The following RCC2 variants were observed in gnomAD, a reference collection of about 807,000 sequenced individuals.
RCC2 encodes the protein regulator of chromosome condensation 2.
Under a neutral mutation model 64.1 loss-of-function variants are expected in RCC2, and 19 were observed. That is an observed-to-expected ratio of 0.30 (90% CI 0.21 to 0.44). The LOEUF is 0.44. Ranked by LOEUF, RCC2 falls within the 20% of genes least tolerant of loss-of-function variation. The probability of loss-of-function intolerance (pLI) is 1.00; values close to 1 mark genes in which losing one functional copy is unlikely to be tolerated. For missense variants in RCC2, 508 were observed against 710.4 expected (o/e 0.72, Z 3.24); for synonymous variants, 325 against 279.6 (o/e 1.16, Z -1.62).
intron 3 of RCC2, 103 bp downstream of exon 3, chr1:17,429,003 G>T: frequency 1.1e-6 from 1 of 921,794 alleles, no homozygotes; most frequent in Non-Finnish European, 1.8e-6. Flanking sequence ...TGGCCTCTGT[G>T]AAAATGCATT....
chr1:17,426,538 A>C (rs544522504), intron 3 of RCC2, among the ~76,000 whole-genome samples: 5 of 152,036 alleles, frequency 3.3e-5, no homozygotes, highest in African/African-American at 1.2e-4. Context: ...AGCTCTGCTC[A>C]GCCCTGCTCA....
At chr1:17,438,190 C>G (rs2075761489) in intron 2 of RCC2, 40 bp downstream of exon 2, 1 of 1,168,562 alleles carries the variant, frequency 8.6e-7, no homozygotes, top group South Asian at 3.3e-5. Context: ...CCCGCCGGCC[C>G]CGGCCCTGCG....
chr1:17,437,703 C>T (rs527252767), intron 2 of RCC2, among the ~76,000 whole-genome samples: 1 of 146,984 alleles, frequency 6.8e-6, no homozygotes, highest in East Asian at 2.0e-4. Flanking sequence ...GGCCCCGCCC[C>T]CCCCGGGCGC....
intron 2 of RCC2, among the ~76,000 whole-genome samples, chr1:17,433,812 C>T (rs536935978): frequency 5.9e-5 from 9 of 152,274 alleles, no homozygotes; most frequent in African/African-American, 2.2e-4. Context: ...TAACATAGGT[C>T]CATGTAGAAG....
chr1:17,422,203 C>G lies in RCC2; in HGVS notation c.744G>C (p.Gln248His). ...NQTDAVPSPA[Q>H]IMYNGQPITK... ...GGAGCCGGAGCTGAGGAGGGGTCACCTGCGCGGGGCTGGGAACAGCGTCTG... is the reference window on the plus strand; with the variant it reads ...GGAGCCGGAGCTGAGGAGGGGTCACGTGCGCGGGGCTGGGAACAGCGTCTG... The change falls in exon 6 of 13, where the codon CAG becomes CAC. Residue 248 changes from glutamine to histidine, a missense_variant and splice_region_variant. This residue lies in a region of RCC2 where 132 missense variants were observed against 207.3 expected (regional missense o/e 0.64). Coordinates refer to ENST00000375436, the MANE Select transcript of RCC2 (RefSeq NM_018715.4). 6.2e-7 allele frequency: 1 copy of G among 1,604,144 alleles called. No homozygotes were observed. Among genetic ancestry groups the G allele is most frequent in the Non-Finnish European group, 8.5e-7 (1 of 1,174,136 alleles).
chr1:17,412,305 T>C (rs2100353704), intron 10 of RCC2, 111 bp from the exon 11 acceptor site: 2 of 906,052 alleles, frequency 2.2e-6, no homozygotes, highest in East Asian at 5.1e-5. Context: ...GGCGTACTCA[T>C]TCCAAGTAGC....
intron 8 of RCC2, among the ~76,000 whole-genome samples, chr1:17,416,020 G>T (rs2075479477): frequency 7.5e-6 from 1 of 133,100 alleles, no homozygotes; most frequent in Non-Finnish European, 1.5e-5. Flanking sequence ...GGTGAGCCGA[G>T]ATCACGCCAT....
intron 2 of RCC2, among the ~76,000 whole-genome samples, chr1:17,431,335 A>AAAAAAAATAAAAAAT (rs1466248441): frequency 3.0e-5 from 1 of 32,888 alleles, no homozygotes; most frequent in African/African-American, 1.2e-4. Flanking sequence ...CTCCATCTCA[A>AAAAAAAATAAAAAAT]AAAAAAAAAA....
rs71014951 is a variant in RCC2 at position 17,431,359 on chromosome 1, AATATATAT to A, written c.286-2168_286-2161del. Among the ~76,000 whole-genome samples the A allele has an allele frequency of 6.2e-4, 28 of 44,932 alleles. 1 individual carries two copies. Among genetic ancestry groups the A allele is most frequent in the Non-Finnish European group, 7.6e-4 (20 of 26,182 alleles). The allele number at this position is 44,932 out of a possible 152,430, so 29.5% of individuals were successfully genotyped here. On this transcript the variant is annotated intron_variant, in intron 2 of 12. Coordinates refer to ENST00000375436, the MANE Select transcript of RCC2 (RefSeq NM_018715.4). ...AAAAAAAAAAAAAAAAAAAAAAAAA[AATATATAT>A]ATATATATATATATGTGGGCTGGGT...
At chr1:17,435,609 T>C (rs1363134199) in intron 2 of RCC2, among the ~76,000 whole-genome samples, 1 of 152,236 alleles carries the variant, frequency 6.6e-6, no homozygotes. Flanking sequence ...TGGGGCTGCA[T>C]GGACCCAGCC....
rs1330532910 is a variant in RCC2, at chr1:17,425,571, T to C, written c.493A>G (p.Ile165Val). The C allele has an allele frequency of 1.1e-5, 17 of 1,613,574 alleles. No individual in the cohort carries two copies. The South Asian group carries it at 1.1e-4, about 10-fold the overall frequency. The change falls in exon 4 of 13, where the codon ATC becomes GTC. Residue 165 changes from isoleucine (I) to valine (V), a missense_variant. Transcript: ENST00000375436. The stretch of plus-strand genomic sequence containing the variant: ...CTCCACAGCTTCCCTTCCGTGGTGA[T>C]GAGGAGGCTGTGTGCAGCACACGAG... ...SGSCAAHSLL[I>V]TTEGKLWSWG... is the part of the protein sequence containing the mutation.
At chr1:17,434,888 C>T (rs374821291) in intron 2 of RCC2, among the ~76,000 whole-genome samples, 3 of 152,296 alleles carry the variant, frequency 2.0e-5, no homozygotes, top group South Asian at 4.1e-4. Context: ...GGGCAAATCA[C>T]GAGGTCAGGA....
Position 17,408,884 on chromosome 1 carries a change from G to A in RCC2, c.*206C>T. 3.8e-6 allele frequency: 2 copies of A among 521,400 alleles called. No individual in the cohort carries two copies. Among genetic ancestry groups the A allele is most frequent in the East Asian group, 2.9e-5 (1 of 34,604 alleles). 32.3% of individuals were successfully genotyped at this position (521,400 alleles called of 1,614,324 possible). ...CAAGTATTTTAATTCAACATTAAGG[G>A]AAAAAAAAGGACTTTGGAAAGCATA... On this transcript the variant is annotated 3_prime_UTR_variant, in exon 13 of 13. Transcript: ENST00000375436.
chr1:17,409,268 CTG>C, intron 12 of RCC2, 74 bp from the exon 13 acceptor site: 1 of 975,638 alleles, frequency 1.0e-6, no homozygotes, highest in East Asian at 2.4e-5. Flanking sequence ...ACTCTGGAAA[CTG>C]GGCTGCTAAA....
chr1:17,419,628 A>C (rs376189282), intron 7 of RCC2, among the ~76,000 whole-genome samples: 1 of 152,378 alleles, frequency 6.6e-6, no homozygotes, highest in East Asian at 1.9e-4. Flanking sequence ...AAGTGCTTAC[A>C]TGGTGCCTGG....
At chr1:17,435,525 GGGCCAGGGAGACTGGGCAGGA>G (rs1335132860) in intron 2 of RCC2, among the ~76,000 whole-genome samples, 3 of 152,246 alleles carry the variant, frequency 2.0e-5, no homozygotes, top group Admixed American at 6.5e-5. Flanking sequence ...CAGAAACCTG[GGGCCAGGGAGACTGGGCAGGA>G]GGCCAACCCA....
In RCC2 at chr1:17,428,270, A is replaced by C. The variant is rs531969702; in HGVS notation, c.379+836T>G. ...GACCAGGAGGTGCTTCCCTGGGACA[A>C]AAGCCACCATGTGGACGTGGCCCCC... On this transcript the variant is annotated intron_variant, in intron 3 of 12. Transcript: ENST00000375436. Among the ~76,000 whole-genome samples, 118 of 152,372 alleles carry C rather than the reference A, an allele frequency of 7.7e-4. 1 individual carries two copies. Among genetic ancestry groups the C allele is most frequent in the African/African-American group, 2.7e-3 (114 of 41,596 alleles).
In RCC2 at chr1:17,410,007, C is replaced by T. The variant is rs758117369; in HGVS notation, c.1431G>A (p.Glu477=). 4.3e-6 allele frequency: 7 copies of T among 1,614,032 alleles called. No homozygotes were observed. Among genetic ancestry groups the T allele is most frequent in the Non-Finnish European group, 5.9e-6 (7 of 1,179,924 alleles). The change falls in exon 12 of 13, where the codon GAG becomes GAA. Residue 477 remains glutamate (E), a synonymous_variant. Transcript: ENST00000375436. The part of the protein sequence containing the change: ...HKPKSSTAAQ[E]VKTLDGIFSE... ...AGAAAATGCCATCCAGAGTCTTTAC[C>T]TCCTGGGCTGCAGTGGAAGACTTGG... is the stretch of plus-strand genomic sequence containing the variant.
In RCC2 at chr1:17,429,715, T is replaced by G. The variant is rs111786986; in HGVS notation, c.286-516A>C. 3.4e-3 allele frequency among the ~76,000 whole-genome samples: 524 copies of G among 152,272 alleles called. 3 individuals carry two copies. Among genetic ancestry groups the G allele is most frequent in the African/African-American group, 0.012 (487 of 41,550 alleles). On this transcript the variant is annotated intron_variant, in intron 2 of 12. Coordinates refer to ENST00000375436, the MANE Select transcript of RCC2 (RefSeq NM_018715.4). ...AAAACAGTAGAGAACAAGGTTCGAT[T>G]TCTCCACTGAAGGGAGACCAGGCAG... is the stretch of plus-strand genomic sequence containing the variant.
Sources: allele counts gnomAD v4.1 joint callset (sites outside exome capture counted in the v4.1 genomes callset), GRCh38; gene constraint gnomAD v4.1.1; regional missense constraint gnomAD v4.1.1; transcripts MANE v1.5; gene names NCBI Gene and HGNC (gene_info 2026-07-23, HGNC 2026-07-21).